MMP16: variants seen among roughly 807,000 people sequenced by gnomAD.
MMP16 encodes the protein matrix metalloproteinase-16.
MMP16 carries 12 observed loss-of-function variants against 67.8 expected under a neutral mutation model. The ratio of observed to expected loss-of-function variants is 0.18; its 90% CI spans 0.11 to 0.29. The LOEUF (loss-of-function observed/expected upper bound fraction) is 0.29, where lower values mean the gene tolerates loss of function less well. Among genes scored for constraint, MMP16 ranks in the 10% least tolerant of loss-of-function variants. The pLI, the probability that MMP16 is intolerant of heterozygous loss-of-function variation, is 1.00. For missense variants in MMP16, 475 were observed against 765.7 expected (o/e 0.62, Z 4.48); for synonymous variants, 249 against 255.9 (o/e 0.97, Z 0.26).
intron 7 of MMP16, chr8:88,069,268 T>C (rs940043359): frequency 3.0e-5 from 10 of 338,722 alleles, no homozygotes; most frequent in African/African-American, 2.2e-4. Flanking sequence ...AATGTAGAGG[T>C]CATGCACATT....
At chr8:88,248,265 G>C (rs1810151738) in intron 1 of MMP16, among the ~76,000 whole-genome samples, 1 of 152,046 alleles carries the variant, frequency 6.6e-6, no homozygotes, top group African/African-American at 2.4e-5. Context: ...TCATCAAATA[G>C]ATAAGAATTT....
chr8:88,140,500 G>A (rs1401193863), intron 4 of MMP16, among the ~76,000 whole-genome samples: 1 of 151,980 alleles, frequency 6.6e-6, no homozygotes, highest in Non-Finnish European at 1.5e-5. Context: ...CAAAGAATTT[G>A]TAGATATATT....
At chr8:88,285,025 A>G (rs961801728) in intron 1 of MMP16, among the ~76,000 whole-genome samples, 3 of 152,138 alleles carry the variant, frequency 2.0e-5, no homozygotes, top group South Asian at 2.1e-4. Context: ...TATTTCCCCC[A>G]TAACAGCATT....
In MMP16 at chr8:88,162,730, C is replaced by T. The variant is rs547705217; in HGVS notation, c.709+4939G>A. On this transcript the variant is annotated intron_variant, in intron 4 of 9. Coordinates refer to ENST00000286614, the MANE Select transcript of MMP16 (RefSeq NM_005941.5). ...TCTTGTGATAGTGAGTGAGTTCTAA[C>T]GAGATCTGGTTGTTGAAAAGTGTGT... 1.2e-4 allele frequency among the ~76,000 whole-genome samples: 19 copies of T among 152,010 alleles called. No homozygotes were observed. The South Asian group carries it at 1.9e-3, about 15-fold the overall frequency.
At chr8:88,054,826 C>A in intron 8 of MMP16, among the ~76,000 whole-genome samples, 1 of 152,192 alleles carries the variant, frequency 6.6e-6, no homozygotes, top group South Asian at 2.1e-4. Flanking sequence ...AAGTTTGTAG[C>A]CTTACTTACT....
intron 1 of MMP16, among the ~76,000 whole-genome samples, chr8:88,275,690 T>A (rs979779948): frequency 3.3e-5 from 5 of 151,950 alleles, no homozygotes; most frequent in Admixed American, 3.3e-4. Flanking sequence ...TTTTCAGCCC[T>A]TGCCATATAT....
intron 7 of MMP16, among the ~76,000 whole-genome samples, chr8:88,070,509 T>C (rs150348954): frequency 1.0e-3 from 154 of 152,242 alleles, no homozygotes; most frequent in African/African-American, 3.5e-3. Flanking sequence ...AGTTTCCTTA[T>C]AGACATGAGC....
chr8:88,041,148 T>G lies in MMP16; in HGVS notation c.*313A>C, dbSNP rs561650263. 5.1e-4 allele frequency: 122 copies of G among 239,538 alleles called. 1 individual carries two copies. The highest frequency in any genetic ancestry group is 8.6e-4 in the Non-Finnish European group (108 of 125,984). 14.8% of individuals were successfully genotyped at this position (239,538 alleles called of 1,614,324 possible). On this transcript the variant is annotated 3_prime_UTR_variant, in exon 10 of 10. Transcript: ENST00000286614. This position sits in a 1 kb window ranked among gnomAD's most constrained non-coding sequence, Gnocchi z 6.0. ...AGAAACTTTTAAGAAGAATCTTTTC[T>G]TCTTTTTCTCCTCTTCTTTAGTTAA...
chr8:88,176,307 C>T (rs1323606163), intron 3 of MMP16, among the ~76,000 whole-genome samples: 1 of 152,192 alleles, frequency 6.6e-6, no homozygotes, highest in African/African-American at 2.4e-5. Context: ...GACAGTAACA[C>T]AGAATGAGTG....
intron 1 of MMP16, among the ~76,000 whole-genome samples, chr8:88,286,418 T>A (rs1463487641): frequency 6.6e-6 from 1 of 152,120 alleles, no homozygotes; most frequent in Non-Finnish European, 1.5e-5. Flanking sequence ...TGAGCTCAAA[T>A]AAGTATTAAA....
chr8:88,086,260 G>A (rs1006386885), intron 6 of MMP16, among the ~76,000 whole-genome samples: 2 of 151,816 alleles, frequency 1.3e-5, no homozygotes, highest in Admixed American at 6.6e-5. Context: ...GTTTACCATC[G>A]ATGTACTGCA....
At chr8:88,163,600 G>A (rs937181380) in intron 4 of MMP16, among the ~76,000 whole-genome samples, 24 of 151,998 alleles carry the variant, frequency 1.6e-4, no homozygotes, top group Middle Eastern at 3.4e-3. Context: ...TGGAGTATCC[G>A]TTTAAAATTA....
chr8:88,237,801 C>A (rs1809969020), intron 1 of MMP16, among the ~76,000 whole-genome samples: 1 of 152,174 alleles, frequency 6.6e-6, no homozygotes, highest in Non-Finnish European at 1.5e-5. Flanking sequence ...ACTGAAAATG[C>A]ATACCATGGC....
intron 1 of MMP16, among the ~76,000 whole-genome samples, chr8:88,254,241 T>C (rs1285005194): frequency 6.6e-6 from 1 of 152,042 alleles, no homozygotes; most frequent in African/African-American, 2.4e-5. Context: ...TTCCTGCTTA[T>C]AAATGGGAGC....
chr8:88,087,824 G>A (rs1808861087), intron 6 of MMP16, among the ~76,000 whole-genome samples: 1 of 151,134 alleles, frequency 6.6e-6, no homozygotes, highest in South Asian at 2.1e-4. Flanking sequence ...CATGCCTGAG[G>A]TCCCAGCTAC....
At chr8:88,159,278 T>C (rs1808570891) in intron 4 of MMP16, among the ~76,000 whole-genome samples, 1 of 152,204 alleles carries the variant, frequency 6.6e-6, no homozygotes, top group Non-Finnish European at 1.5e-5. Flanking sequence ...TTTCACAATA[T>C]TGATTCTTCC....
rs968296250 is a variant in MMP16 at position 88,033,950 on chromosome 8, A to T, written c.*7511T>A. The T allele has an allele frequency of 6.6e-6, 1 of 152,102 alleles. No homozygotes were observed. Among genetic ancestry groups the T allele is most frequent in the African/African-American group, 2.4e-5 (1 of 41,454 alleles). The allele number at this position is 152,102 out of a possible 1,614,324, so 9.4% of individuals were successfully genotyped here. A position where few individuals can be genotyped will look rare whatever the true frequency, so the allele number is the denominator to read the frequency against. ...CACTATACTGTGACTACTTTCCTGTATAATTATTTAAGATACATTCTCCAA... is the reference window on the plus strand; with the variant it reads ...CACTATACTGTGACTACTTTCCTGTTTAATTATTTAAGATACATTCTCCAA... On this transcript the variant is annotated 3_prime_UTR_variant, in exon 10 of 10. Transcript: ENST00000286614.
At chr8:88,233,160 T>A (rs753335289) in intron 1 of MMP16, among the ~76,000 whole-genome samples, 54 of 152,182 alleles carry the variant, frequency 3.5e-4, no homozygotes, top group Non-Finnish European at 6.2e-4. Flanking sequence ...TAGCAGAGTA[T>A]CTAGCACAGG....
intron 1 of MMP16, among the ~76,000 whole-genome samples, chr8:88,308,788 C>A (rs1563591508): frequency 6.6e-6 from 1 of 151,844 alleles, no homozygotes; most frequent in South Asian, 2.1e-4. Flanking sequence ...AAAACATTAA[C>A]AAAATCAAAA....
Sources: allele counts gnomAD v4.1 joint callset (sites outside exome capture counted in the v4.1 genomes callset), GRCh38; gene constraint gnomAD v4.1.1; non-coding constraint Gnocchi (gnomAD v3.1); transcripts MANE v1.5; gene names NCBI Gene and HGNC (gene_info 2026-07-23, HGNC 2026-07-21).